Variants in CNTNAP2 observed in about 807,000 individuals in gnomAD.
CNTNAP2 encodes contactin-associated protein-like 2.
CNTNAP2 carries 98 observed loss-of-function variants against 155.2 expected under a neutral mutation model. That is an observed-to-expected ratio of 0.63 (90% confidence interval 0.54 to 0.75). The LOEUF (loss-of-function observed/expected upper bound fraction) is 0.75. Ranked by LOEUF, CNTNAP2 falls within the 30% of genes least tolerant of loss-of-function variation. The pLI is 0.00. For synonymous variants in CNTNAP2, 651 were observed against 631.2 expected (o/e 1.03, Z -0.47); for missense variants, 1,727 against 1,688.1 (o/e 1.02, Z -0.40).
At chr7:146,601,793 A>G (rs1403472783) in intron 1 of CNTNAP2, among the ~76,000 whole-genome samples, 1 of 152,124 alleles carries the variant, frequency 6.6e-6, no homozygotes, top group Non-Finnish European at 1.5e-5. Flanking sequence ...AGGAAAAATT[A>G]TTATACATAG....
chr7:148,004,225 C>T (rs1801938708), intron 15 of CNTNAP2, among the ~76,000 whole-genome samples: 1 of 152,154 alleles, frequency 6.6e-6, no homozygotes, highest in African/African-American at 2.4e-5. Flanking sequence ...TCCAATATCT[C>T]AAATTCTTTC....
At position 148,380,061 on chromosome 7, in the gene CNTNAP2, G is replaced by A. The variant is rs1730407; in HGVS notation, c.3476-3588G>A. ...TGAACTATTTTCTGTAATCCATATC[G>A]TTATGAATATAAGACATTAACGTAC... On this transcript the variant is annotated intron_variant, in intron 21 of 23. Coordinates refer to ENST00000361727, the MANE Select transcript of CNTNAP2 (RefSeq NM_014141.6). Among the ~76,000 whole-genome samples the A allele has an allele frequency of 1.2e-4, 19 of 152,184 alleles. No individual in the cohort carries two copies. In the South Asian group the frequency reaches 3.9e-3, roughly 32 times the overall value.
chr7:147,444,393 T>C (rs1004607157), intron 10 of CNTNAP2, among the ~76,000 whole-genome samples: 3 of 152,140 alleles, frequency 2.0e-5, no homozygotes, highest in African/African-American at 7.2e-5. Context: ...AAAATGGAAA[T>C]CAGTGAAAAT....
chr7:146,689,364 T>TTA (rs1042505181), intron 1 of CNTNAP2, among the ~76,000 whole-genome samples: 12 of 152,076 alleles, frequency 7.9e-5, no homozygotes, highest in African/African-American at 2.9e-4. Context: ...AAATATGTGT[T>TTA]TATATGTATA....
At chr7:148,283,307 G>GAAAGAAAGAAAGAAA in intron 21 of CNTNAP2, among the ~76,000 whole-genome samples, 1 of 58,336 alleles carries the variant, frequency 1.7e-5, no homozygotes, top group South Asian at 5.4e-4. Context: ...AAGAAAGAAA[G>GAAAGAAAGAAAGAAA]GAAGGAAGGA....
At chr7:148,204,887 C>T (rs901310367) in intron 18 of CNTNAP2, among the ~76,000 whole-genome samples, 1 of 152,194 alleles carries the variant, frequency 6.6e-6, no homozygotes, top group African/African-American at 2.4e-5. Flanking sequence ...TCCTGTAAGC[C>T]TCAGTTACCT....
chr7:146,223,382 G>A (rs73739572), intron 1 of CNTNAP2, among the ~76,000 whole-genome samples: 4,534 of 152,258 alleles, frequency 0.03, 226 homozygotes, highest in African/African-American at 0.1. Flanking sequence ...TCTTCTTGGG[G>A]TCAGATGCAG....
At chr7:146,226,980 T>G (rs11761213) in intron 1 of CNTNAP2, among the ~76,000 whole-genome samples, 26,097 of 152,166 alleles carry the variant, frequency 0.17, 2,784 homozygotes, top group East Asian at 0.29. Flanking sequence ...AATATTCTTA[T>G]GAGTTATTTA....
intron 12 of CNTNAP2, among the ~76,000 whole-genome samples, chr7:147,621,988 C>A (rs975507670): frequency 6.6e-6 from 1 of 151,824 alleles, no homozygotes; most frequent in East Asian, 1.9e-4. Context: ...AGTAGCTACA[C>A]TTATAACAGA....
intron 3 of CNTNAP2, among the ~76,000 whole-genome samples, chr7:146,874,523 G>C (rs1400038455): frequency 6.6e-6 from 1 of 151,948 alleles, no homozygotes; most frequent in East Asian, 1.9e-4. Flanking sequence ...CATTTTTGTA[G>C]AGATGGGGTT....
At position 147,119,781 on chromosome 7, in the gene CNTNAP2, A is replaced by AAAGG. The variant is rs575072173; in HGVS notation, c.755-1178_755-1175dup. Among the ~76,000 whole-genome samples, 1,049 of 152,040 alleles carry AAAGG rather than the reference A, an allele frequency of 6.9e-3. 8 individuals carry two copies. Among genetic ancestry groups the AAAGG allele is most frequent in the Non-Finnish European group, 1.0e-2 (676 of 67,920 alleles). ...AGGGAGAGGAAAGAAAGAAAGAAGG[A>AAAGG]AAGGAAGGAAGGAAGGAAGGAAGAA... is the stretch of plus-strand genomic sequence containing the variant. On this transcript the variant is annotated intron_variant, in intron 5 of 23. Coordinates refer to ENST00000361727, the MANE Select transcript of CNTNAP2 (RefSeq NM_014141.6).
At chr7:148,283,258 A>AAG (rs1563024588) in intron 21 of CNTNAP2, among the ~76,000 whole-genome samples, 2 of 55,644 alleles carry the variant, frequency 3.6e-5, no homozygotes, top group Non-Finnish European at 3.4e-5. Flanking sequence ...AAAAAAAAAA[A>AAG]GAAAGAAAGA....
intron 13 of CNTNAP2, among the ~76,000 whole-genome samples, chr7:147,765,331 C>T (rs1329312556): frequency 2.0e-5 from 3 of 152,104 alleles, no homozygotes; most frequent in East Asian, 3.9e-4. Flanking sequence ...ATCTAGAAGA[C>T]ATTCAGTAAT....
chr7:146,598,804 A>AAAATACAT (rs1209634442), intron 1 of CNTNAP2, among the ~76,000 whole-genome samples: 16 of 152,240 alleles, frequency 1.1e-4, no homozygotes, highest in Middle Eastern at 3.4e-3. Context: ...TCTGAGGAAA[A>AAAATACAT]AAATACATAG....
At chr7:148,280,241 G>A (rs184767316) in intron 21 of CNTNAP2, among the ~76,000 whole-genome samples, 115 of 152,298 alleles carry the variant, frequency 7.6e-4, no homozygotes, top group African/African-American at 2.7e-3. Flanking sequence ...CCGGGAGACA[G>A]AGAAGTTGCA....
chr7:147,029,585 A>G (rs1323073763), intron 3 of CNTNAP2, among the ~76,000 whole-genome samples: 1 of 152,056 alleles, frequency 6.6e-6, no homozygotes, highest in Non-Finnish European at 1.5e-5. Context: ...ATGAAATCCA[A>G]ATATATTGGA....
Position 147,977,892 on chromosome 7 carries a change from A to C in CNTNAP2, c.2286A>C (p.Lys762Asn). Residue 762 changes from lysine (K) to asparagine (N), a missense_variant, in exon 15 of 24, where the codon AAA (lysine) becomes AAC (asparagine). Lys to Asn is a moderately conservative substitution (Grantham distance 94). Transcript: ENST00000361727. ...WRKDAGFLSY[K>N]DHLPVSQVVV... ...AGGATGCTGGTTTCTTATCATACAA[A>C]GATCACCTGCCAGTGAGCCAAGTGG... 6.2e-7 allele frequency: 1 copy of C among 1,614,158 alleles called. No homozygotes were observed. The highest frequency in any genetic ancestry group is 8.5e-7 in the Non-Finnish European group (1 of 1,180,024).
chr7:146,856,293 G>GATAC lies in CNTNAP2; in HGVS notation c.402+16392_402+16393insCATA, dbSNP rs1212011580. Among the ~76,000 whole-genome samples the GATAC allele has an allele frequency of 3.6e-3, 225 of 63,042 alleles. 1 individual carries two copies. Among genetic ancestry groups the GATAC allele is most frequent in the South Asian group, 0.019 (48 of 2,502 alleles). 41.4% of individuals were successfully genotyped at this position (63,042 alleles called of 152,430 possible). A position where few individuals can be genotyped will look rare whatever the true frequency, so the allele number is the denominator to read the frequency against. ...AGATAGATAGATAGATAGATAGATA[G>GATAC]ATAGATACATACATACATACATACA... On this transcript the variant is annotated intron_variant, in intron 3 of 23. Coordinates refer to ENST00000361727, the MANE Select transcript of CNTNAP2 (RefSeq NM_014141.6).
At chr7:148,369,359 TGGCTAATTTGTGCCACTACACCC>T (rs1308480636) in intron 21 of CNTNAP2, among the ~76,000 whole-genome samples, 16 of 151,906 alleles carry the variant, frequency 1.1e-4, no homozygotes, top group Admixed American at 2.6e-4. Context: ...CCACTACACC[TGGCTAATTTGTGCCACTACACCC>T]GGCTAATTTG....
Sources: allele counts gnomAD v4.1 joint callset (sites outside exome capture counted in the v4.1 genomes callset), GRCh38; gene constraint gnomAD v4.1.1; transcripts MANE v1.5; gene names NCBI Gene and HGNC (gene_info 2026-07-23, HGNC 2026-07-21).